DACH1: variants seen among roughly 807,000 people sequenced by gnomAD.
DACH1 encodes the protein dachshund homolog 1.
A neutral mutation model predicts 54.2 loss-of-function variants in DACH1; 12 were observed. The observed-to-expected ratio is 0.22, with a 90% CI of 0.14 to 0.36. The LOEUF (loss-of-function observed/expected upper bound fraction) is 0.36. Ranked by LOEUF, DACH1 falls within the 10% of genes least tolerant of loss-of-function variation. The pLI, the probability that DACH1 is intolerant of heterozygous loss-of-function variation, is 1.00. For missense variants in DACH1, 805 were observed against 929.8 expected, an observed-to-expected ratio of 0.87 and a Z score of 1.75; for synonymous variants, 386 against 366.2, an observed-to-expected ratio of 1.05 and a Z score of -0.62.
chr13:71,601,895 C>A (rs1310954606), intron 3 of DACH1, among the ~76,000 whole-genome samples: 1 of 151,800 alleles, frequency 6.6e-6, no homozygotes, highest in African/African-American at 2.4e-5. Flanking sequence ...ATATATTATG[C>A]AATATTCTTT....
intron 3 of DACH1, among the ~76,000 whole-genome samples, chr13:71,607,755 T>G (rs1409021676): frequency 6.6e-6 from 1 of 152,076 alleles, no homozygotes; most frequent in Admixed American, 6.6e-5. Flanking sequence ...TTCCTGTTTC[T>G]GGGCTGGGAC....
At chr13:71,465,777 A>AAAAGCAACTTCCTAGTT (rs1352290448) in intron 10 of DACH1, among the ~76,000 whole-genome samples, 1 of 152,162 alleles carries the variant, frequency 6.6e-6, no homozygotes, top group African/African-American at 2.4e-5. Flanking sequence ...ACTATAATGA[A>AAAAGCAACTTCCTAGTT]AAAGCAACTT....
intron 2 of DACH1, among the ~76,000 whole-genome samples, chr13:71,650,625 T>G (rs371734279): frequency 6.6e-6 from 1 of 152,144 alleles, no homozygotes; most frequent in African/African-American, 2.4e-5. Flanking sequence ...TGTGAGGTAA[T>G]AGAAGACCAA....
intron 1 of DACH1, among the ~76,000 whole-genome samples, chr13:71,725,644 A>G (rs1306645749): frequency 3.3e-5 from 5 of 152,170 alleles, no homozygotes; most frequent in African/African-American, 1.2e-4. Context: ...CTTTACATAA[A>G]CACATTAAAA....
intron 6 of DACH1, among the ~76,000 whole-genome samples, chr13:71,533,421 G>C (rs1407624634): frequency 1.3e-5 from 2 of 151,864 alleles, no homozygotes; most frequent in Non-Finnish European, 2.9e-5. Context: ...TCCAAGCTTG[G>C]CTGTTACTTA....
intron 3 of DACH1, among the ~76,000 whole-genome samples, chr13:71,606,122 TG>T (rs1874863688): frequency 6.6e-6 from 1 of 152,082 alleles, no homozygotes; most frequent in Non-Finnish European, 1.5e-5. Flanking sequence ...ATTCTAGACT[TG>T]CAGTAATGTT....
chr13:71,498,153 T>A (rs1879603556), intron 6 of DACH1, among the ~76,000 whole-genome samples: 1 of 152,204 alleles, frequency 6.6e-6, no homozygotes, highest in Non-Finnish European at 1.5e-5. Flanking sequence ...GCATATGTAT[T>A]CCACGCTTAT....
At chr13:71,652,869 A>G (rs1161834812) in intron 2 of DACH1, among the ~76,000 whole-genome samples, 1 of 152,176 alleles carries the variant, frequency 6.6e-6, no homozygotes, top group African/African-American at 2.4e-5. Flanking sequence ...ATAAATAGCA[A>G]CACTACAAGA....
At chr13:71,607,476 G>A (rs1874960433) in intron 3 of DACH1, among the ~76,000 whole-genome samples, 2 of 151,992 alleles carry the variant, frequency 1.3e-5, no homozygotes, top group African/African-American at 2.4e-5. Flanking sequence ...ATGGAAAAAA[G>A]TAAGTCTTTT....
At chr13:71,638,396 T>C (rs1479492052) in intron 2 of DACH1, among the ~76,000 whole-genome samples, 1 of 152,154 alleles carries the variant, frequency 6.6e-6, no homozygotes, top group Non-Finnish European at 1.5e-5. Context: ...AACCATCTGA[T>C]AGGCAGATGG....
intron 1 of DACH1, among the ~76,000 whole-genome samples, chr13:71,799,862 C>G (rs1887218658): frequency 6.6e-6 from 1 of 152,074 alleles, no homozygotes. Context: ...CATTATATCT[C>G]CATTTTCGGA....
intron 1 of DACH1, among the ~76,000 whole-genome samples, chr13:71,798,895 G>T (rs1463541429): frequency 6.6e-6 from 1 of 152,092 alleles, no homozygotes; most frequent in African/African-American, 2.4e-5. Flanking sequence ...TTCAGATCCA[G>T]TTAATGAAAC....
intron 6 of DACH1, among the ~76,000 whole-genome samples, chr13:71,513,021 A>G (rs1272117448): frequency 6.6e-6 from 1 of 151,964 alleles, no homozygotes; most frequent in Non-Finnish European, 1.5e-5. Context: ...TAAGTAATAG[A>G]CACGGTAAAG....
At chr13:71,688,950 T>C (rs1881326916) in intron 1 of DACH1, among the ~76,000 whole-genome samples, 1 of 152,222 alleles carries the variant, frequency 6.6e-6, no homozygotes, top group Non-Finnish European at 1.5e-5. Flanking sequence ...TGGGGCAAGT[T>C]ATCAGAGTTT....
intron 1 of DACH1, among the ~76,000 whole-genome samples, chr13:71,774,096 G>A (rs551353837): frequency 2.0e-5 from 3 of 152,102 alleles, no homozygotes; most frequent in South Asian, 4.1e-4. Flanking sequence ...GACTCCCTGG[G>A]TTAACATTGC....
In DACH1 at chr13:71,844,710, T is replaced by C. The variant is rs1334077740; in HGVS notation, c.848+21212A>G. 2.0e-5 allele frequency among the ~76,000 whole-genome samples: 3 copies of C among 151,952 alleles called. No individual in the cohort carries two copies. In the East Asian group the frequency reaches 5.8e-4, roughly 29 times the overall value. ...GACTTCCATCACTTCCCCTATATAA[T>C]AACTAACCTGGTGAAAAACTGTTAC... On this transcript the variant is annotated intron_variant, in intron 1 of 10. Coordinates refer to ENST00000613252, the MANE Select transcript of DACH1 (RefSeq NM_080759.6).
chr13:71,509,295 T>C (rs1880576261), intron 6 of DACH1, among the ~76,000 whole-genome samples: 1 of 152,000 alleles, frequency 6.6e-6, no homozygotes, highest in African/African-American at 2.4e-5. Context: ...CTAGGTACAG[T>C]GAAACTCAAA....
chr13:71,448,878 G>A (rs17088252), intron 10 of DACH1, among the ~76,000 whole-genome samples: 2,173 of 151,796 alleles, frequency 0.014, 56 homozygotes, highest in African/African-American at 0.05. Flanking sequence ...ACAGAGTTGG[G>A]TCAAGGTGAG....
At chr13:71,470,805 C>T (rs1371480088) in intron 10 of DACH1, among the ~76,000 whole-genome samples, 1 of 152,176 alleles carries the variant, frequency 6.6e-6, no homozygotes, top group Non-Finnish European at 1.5e-5. Flanking sequence ...GCCAGATACT[C>T]TCTCAGACAA....
Sources: allele counts gnomAD v4.1 joint callset (sites outside exome capture counted in the v4.1 genomes callset), GRCh38; gene constraint gnomAD v4.1.1; transcripts MANE v1.5; gene names NCBI Gene and HGNC (gene_info 2026-07-23, HGNC 2026-07-21).